The following MGAT4C variants were observed in gnomAD, a reference collection of about 807,000 sequenced individuals.
MGAT4C encodes the protein alpha-1,3-mannosyl-glycoprotein 4-beta-N-acetylglucosaminyltransferase C.
A neutral mutation model predicts 40.1 loss-of-function variants in MGAT4C; 19 were observed. The observed-to-expected ratio is 0.47, with a 90% CI of 0.33 to 0.70. MGAT4C has a LOEUF of 0.70. MGAT4C is among the 30% of genes least tolerant of loss of function. MGAT4C has a pLI of 0.02. For missense variants in MGAT4C, 491 were observed against 563.2 expected (o/e 0.87, Z 1.30); for synonymous variants, 181 against 187.1 (o/e 0.97, Z 0.27).
intron 2 of MGAT4C, among the ~76,000 whole-genome samples, chr12:86,481,837 G>C (rs557399201): frequency 6.6e-6 from 1 of 151,618 alleles, no homozygotes; most frequent in East Asian, 1.9e-4. Flanking sequence ...GGCTGGTCTT[G>C]AATTTCTGGC....
chr12:86,183,742 C>G (rs1888393520), intron 1 of MGAT4C, among the ~76,000 whole-genome samples: 1 of 152,140 alleles, frequency 6.6e-6, no homozygotes, highest in African/African-American at 2.4e-5. Flanking sequence ...TTGACCTTAC[C>G]ATGCTGTATG....
intron 2 of MGAT4C, among the ~76,000 whole-genome samples, chr12:86,657,309 T>C (rs1009209654): frequency 3.9e-5 from 6 of 151,942 alleles, no homozygotes; most frequent in African/African-American, 1.4e-4. Context: ...ATAATTCTTA[T>C]GCTGAAATCC....
intron 2 of MGAT4C, among the ~76,000 whole-genome samples, chr12:86,664,754 T>A (rs1010283516): frequency 6.6e-6 from 1 of 152,230 alleles, no homozygotes; most frequent in Admixed American, 6.5e-5. Context: ...TCTGTAGTTA[T>A]GTGTTCTAAC....
chr12:86,155,019 T>C lies in MGAT4C; in HGVS notation c.-57+101220A>G, dbSNP rs73387147. Among the ~76,000 whole-genome samples the C allele has an allele frequency of 3.3e-3, 499 of 152,198 alleles. 2 individuals are homozygous for C. Among genetic ancestry groups the C allele is most frequent in the African/African-American group, 0.012 (487 of 41,534 alleles). On this transcript the variant is annotated intron_variant, in intron 1 of 4. Transcript: ENST00000611864. ...ATAGAGAGTAATGAGAGAGTGATAATTTAAATTAAGTGGTCAGGGATGGCC... is the reference window on the plus strand; with the variant it reads ...ATAGAGAGTAATGAGAGAGTGATAACTTAAATTAAGTGGTCAGGGATGGCC...
At chr12:86,277,039 C>A (rs559610991) in intron 4 of MGAT4C, among the ~76,000 whole-genome samples, 1 of 152,256 alleles carries the variant, frequency 6.6e-6, no homozygotes, top group Admixed American at 6.5e-5. Flanking sequence ...TACTAATTTA[C>A]ATTCCTATCA....
chr12:86,014,531 C>T (rs565537655), intron 2 of MGAT4C, among the ~76,000 whole-genome samples: 2 of 152,178 alleles, frequency 1.3e-5, no homozygotes, highest in Admixed American at 6.5e-5. Context: ...ATGGCAACAT[C>T]GCGTGTTAGT....
At chr12:86,069,600 A>G (rs1332393190) in intron 1 of MGAT4C, among the ~76,000 whole-genome samples, 2 of 152,172 alleles carry the variant, frequency 1.3e-5, no homozygotes, top group Non-Finnish European at 2.9e-5. Flanking sequence ...GTTGATGTCT[A>G]TCCTTCCAGT....
At chr12:86,805,247 T>C (rs1952328978) in intron 1 of MGAT4C, among the ~76,000 whole-genome samples, 1 of 151,988 alleles carries the variant, frequency 6.6e-6, no homozygotes, top group Non-Finnish European at 1.5e-5. Context: ...ATTCAGCAGT[T>C]ATGTGTGCAG....
intron 1 of MGAT4C, among the ~76,000 whole-genome samples, chr12:86,218,560 G>A (rs924299253): frequency 6.6e-6 from 1 of 152,044 alleles, no homozygotes; most frequent in Non-Finnish European, 1.5e-5. Flanking sequence ...CTATTTGTAT[G>A]GAGTGTTATT....
In MGAT4C at chr12:86,307,603, T is replaced by C. The variant is rs575786125; in HGVS notation, c.-57+26462A>G. Reference sequence around the variant, plus strand: ...AATAGAGGAAGGTCACAGTTTTCTGTAGAAAATTAGACATCTTGCCCACAT... The same window carrying C: ...AATAGAGGAAGGTCACAGTTTTCTGCAGAAAATTAGACATCTTGCCCACAT... On this transcript the variant is annotated intron_variant, in intron 4 of 7. Transcript: ENST00000548651. 3.3e-5 allele frequency among the ~76,000 whole-genome samples: 5 copies of C among 150,730 alleles called. No homozygotes were observed. The East Asian group carries it at 9.7e-4, about 29-fold the overall frequency.
intron 2 of MGAT4C, among the ~76,000 whole-genome samples, chr12:86,596,975 C>T (rs1036517214): frequency 2.6e-5 from 4 of 152,116 alleles, no homozygotes; most frequent in African/African-American, 9.7e-5. Context: ...CACAACTGAG[C>T]ATCATTAATG....
chr12:86,230,629 T>C (rs1215489905), intron 1 of MGAT4C, among the ~76,000 whole-genome samples: 1 of 152,122 alleles, frequency 6.6e-6, no homozygotes, highest in African/African-American at 2.4e-5. Flanking sequence ...GATGCCAACA[T>C]ATCGTTTGCC....
At chr12:86,299,339 C>T (rs1209037509) in intron 4 of MGAT4C, among the ~76,000 whole-genome samples, 1 of 152,006 alleles carries the variant, frequency 6.6e-6, no homozygotes, top group Non-Finnish European at 1.5e-5. Flanking sequence ...GGATGGTCTC[C>T]ATCTACTGAC....
chr12:86,073,226 C>T (rs1196561935), intron 1 of MGAT4C, among the ~76,000 whole-genome samples: 1 of 152,164 alleles, frequency 6.6e-6, no homozygotes, highest in Non-Finnish European at 1.5e-5. Context: ...CCATGTAAAA[C>T]GTGCCTTTCA....
chr12:86,774,993 T>G (rs1951727186), intron 1 of MGAT4C, among the ~76,000 whole-genome samples: 1 of 152,220 alleles, frequency 6.6e-6, no homozygotes, highest in African/African-American at 2.4e-5. Flanking sequence ...AATTGTTTAG[T>G]GGCTAACTTT....
intron 1 of MGAT4C, among the ~76,000 whole-genome samples, chr12:86,138,711 T>G (rs980979688): frequency 6.7e-6 from 1 of 149,894 alleles, no homozygotes; most frequent in African/African-American, 2.4e-5. Context: ...CATATATATA[T>G]AAAATACAAA....
intron 1 of MGAT4C, among the ~76,000 whole-genome samples, chr12:86,145,036 CA>C (rs1442846235): frequency 6.6e-6 from 1 of 152,076 alleles, no homozygotes; most frequent in African/African-American, 2.4e-5. Flanking sequence ...AAATCAAAAG[CA>C]ACTGCAGAAA....
At chr12:86,434,944 T>C (rs1957111941) in intron 3 of MGAT4C, among the ~76,000 whole-genome samples, 1 of 151,916 alleles carries the variant, frequency 6.6e-6, no homozygotes, top group Non-Finnish European at 1.5e-5. Flanking sequence ...CTATGTCCAA[T>C]ACAAATTTAA....
chr12:86,136,264 A>C (rs908824535), intron 1 of MGAT4C, among the ~76,000 whole-genome samples: 7 of 152,180 alleles, frequency 4.6e-5, no homozygotes, highest in African/African-American at 1.7e-4. Flanking sequence ...GGAAAAACAA[A>C]ATGAAACAAA....
Sources: allele counts gnomAD v4.1 joint callset (sites outside exome capture counted in the v4.1 genomes callset), GRCh38; gene constraint gnomAD v4.1.1; transcripts MANE v1.5; gene names NCBI Gene and HGNC (gene_info 2026-07-23, HGNC 2026-07-21).